DNHD1: variants seen among roughly 807,000 people sequenced by gnomAD.
DNHD1 encodes the protein dynein heavy chain domain 1.
In DNHD1, 383 loss-of-function variants were observed where a neutral mutation model predicts 458.1. That is an observed-to-expected ratio of 0.84 (90% CI 0.77 to 0.91). DNHD1 has a LOEUF of 0.91. DNHD1 is among the 40% of genes least tolerant of loss of function. The pLI, the probability that DNHD1 is intolerant of heterozygous loss-of-function variation, is 0.00. For synonymous variants in DNHD1, 2,203 were observed against 2,376.9 expected (o/e 0.93, Z 2.13); for missense variants, 5,336 against 5,866.1 (o/e 0.91, Z 2.95).
chr11:6,570,439 C>A, intron 41 of DNHD1, 43 bp downstream of exon 41: 2 of 1,554,608 alleles, frequency 1.3e-6, no homozygotes, highest in Non-Finnish European at 1.7e-6. Context: ...GGGAATAGTG[C>A]AATGCAATGC....
chr11:6,504,235 C>G (rs1335505838), intron 4 of DNHD1: 1 of 152,184 alleles, frequency 6.6e-6, no homozygotes, highest in East Asian at 1.9e-4. Flanking sequence ...CCTCTTGATT[C>G]TAATTCTCCT....
At chr11:6,508,310 A>T (rs720270) in intron 4 of DNHD1, 86,995 of 153,092 alleles carry the variant, frequency 0.57, 25,765 homozygotes, top group African/African-American at 0.72. Context: ...CTTGTCTAGT[A>T]CATTAGGTTG....
rs1318103283 is a variant in DNHD1, at chr11:6,558,602, C to T, written c.9120C>T (p.Ser3040=). 2.6e-6 allele frequency: 4 copies of T among 1,551,614 alleles called. No individual in the cohort carries two copies. Among genetic ancestry groups the T allele is most frequent in the Admixed American group, 3.9e-5 (2 of 50,994 alleles). The change falls in exon 26 of 43, where the codon AGC becomes AGT. Residue 3040 remains serine, a synonymous_variant. Coordinates refer to ENST00000254579, the MANE Select transcript of DNHD1 (RefSeq NM_144666.3). ...GGCTCCTTCAACTGGCCACTGCCAG[C>T]ATTGACCGCTATGAACCCTGGGACC... is the stretch of plus-strand genomic sequence containing the variant. ...FLRLLQLATA[S]IDRYEPWDQA... is the part of the protein sequence containing the mutation.
At chr11:6,530,017 A>G (rs755996966) in intron 12 of DNHD1, among the ~76,000 whole-genome samples, 32 of 152,208 alleles carry the variant, frequency 2.1e-4, no homozygotes, top group Non-Finnish European at 3.7e-4. Flanking sequence ...GCCACTGGCT[A>G]TCAATTCTCT....
At chr11:6,512,781 A>C (rs928901626) in intron 7 of DNHD1, among the ~76,000 whole-genome samples, 1 of 152,108 alleles carries the variant, frequency 6.6e-6, no homozygotes, top group Non-Finnish European at 1.5e-5. Context: ...TGTAACCTCC[A>C]CAAGGGTAGA....
chr11:6,558,419 G>A (rs1488280445), intron 25 of DNHD1, 66 bp from the exon 26 acceptor site: 2 of 1,542,030 alleles, frequency 1.3e-6, no homozygotes, highest in African/African-American at 2.7e-5. Context: ...TGGTCTGGCT[G>A]GGACTGGGGC....
chr11:6,534,227 GAAGT>G, intron 14 of DNHD1, 54 bp downstream of exon 14: 1 of 1,508,052 alleles, frequency 6.6e-7, no homozygotes. Context: ...CCCTTCAACT[GAAGT>G]AAGAGTTGGA....
rs752771732 is a variant in DNHD1, at chr11:6,568,505, A to G, written c.12590A>G (p.Asn4197Ser). The change falls in exon 38 of 43, where the codon AAT (asparagine) becomes AGT (serine). Residue 4197 changes from asparagine to serine, a missense_variant. Asn to Ser is a conservative substitution (Grantham distance 46). Coordinates refer to ENST00000254579, the MANE Select transcript of DNHD1 (RefSeq NM_144666.3). The part of the protein sequence containing the change: ...EQLLDQPESR[N>S]VSTVHRDFRL... ...CTTTTAGACCAACCTGAAAGCAGGA[A>G]TGTAAGCACTGTTCACAGAGATTTT... The G allele has an allele frequency of 3.7e-6, 6 of 1,614,020 alleles. No individual in the cohort carries two copies. Among genetic ancestry groups the G allele is most frequent in the South Asian group, 3.3e-5 (3 of 91,090 alleles).
At chr11:6,511,687 CA>C (rs1554963295) in intron 7 of DNHD1, among the ~76,000 whole-genome samples, 1 of 152,154 alleles carries the variant, frequency 6.6e-6, no homozygotes, top group Non-Finnish European at 1.5e-5. Flanking sequence ...AGGAATGTAT[CA>C]ATGTCTATTT....
intron 10 of DNHD1, among the ~76,000 whole-genome samples, chr11:6,523,020 A>G (rs1444185124): frequency 6.6e-6 from 1 of 152,212 alleles, no homozygotes; most frequent in East Asian, 1.9e-4. Context: ...CTGCAGTTCA[A>G]AACTCAGAAA....
intron 19 of DNHD1, 83 bp from the exon 20 acceptor site, chr11:6,544,491 A>T: frequency 8.3e-7 from 1 of 1,198,264 alleles, no homozygotes. Context: ...GGGGTACCTG[A>T]GAGGTCAGGA....
chr11:6,530,997 A>C (rs1852818844), intron 12 of DNHD1, among the ~76,000 whole-genome samples: 1 of 152,092 alleles, frequency 6.6e-6, no homozygotes, highest in African/African-American at 2.4e-5. Context: ...ACTGTGTTTT[A>C]GTTTCTTTAT....
In DNHD1 at chr11:6,505,393, C is replaced by G. The variant is rs1325829122; in HGVS notation, c.920+2467C>G. Among the ~76,000 whole-genome samples the G allele has an allele frequency of 6.6e-6, 1 of 152,076 alleles. No individual in the cohort carries two copies. Among genetic ancestry groups the G allele is most frequent in the East Asian group, 1.9e-4 (1 of 5,186 alleles). On this transcript the variant is annotated intron_variant, in intron 4 of 42. Transcript: ENST00000254579. This position sits in a 1 kb window ranked among gnomAD's most constrained non-coding sequence, Gnocchi z 4.4. ...ACAGCCTCCCAAGTAGCTTTGATTA[C>G]AGGCACTTGCTAATATGACTGGCTA...
At chr11:6,512,211 C>CTCTTTTTTTTTTT (rs1852347476) in intron 7 of DNHD1, among the ~76,000 whole-genome samples, 1 of 91,630 alleles carries the variant, frequency 1.1e-5, no homozygotes, top group East Asian at 3.3e-4. Context: ...CTTTTTCTTT[C>CTCTTTTTTTTTTT]TTTTTTTTTT....
intron 28 of DNHD1, among the ~76,000 whole-genome samples, chr11:6,561,920 T>G (rs984542893): frequency 1.3e-5 from 2 of 151,626 alleles, no homozygotes; most frequent in Non-Finnish European, 2.9e-5. Flanking sequence ...AAATGATGAG[T>G]AGGGGCCTGG....
chr11:6,545,217 G>T lies in DNHD1; in HGVS notation c.4278G>T (p.Gly1426=). ...AGGTGGAGGCACTTGCAGTGCTAGG[G>T]GCAGGTGGGGAGGAGGTGAAGCTGC... ...QTQVEALAVL[G]AGGEEVKLQG... The change falls in exon 21 of 43, where the codon GGG becomes GGT. Residue 1426 remains glycine (G), a synonymous_variant. Coordinates refer to ENST00000254579, the MANE Select transcript of DNHD1 (RefSeq NM_144666.3). The surrounding 1 kb of genome is among the most constrained non-coding windows in gnomAD (Gnocchi z 4.9). 6.4e-7 allele frequency: 1 copy of T among 1,551,892 alleles called. No individual in the cohort carries two copies. Among genetic ancestry groups the T allele is most frequent in the Non-Finnish European group, 8.7e-7 (1 of 1,147,038 alleles).
At chr11:6,533,495 G>A (rs2134412598) in intron 13 of DNHD1, among the ~76,000 whole-genome samples, 186 bp from the exon 14 acceptor site, 1 of 152,306 alleles carries the variant, frequency 6.6e-6, no homozygotes, top group South Asian at 2.1e-4. Context: ...AGAGATCTGG[G>A]TCAGAGAGAG....
chr11:6,543,286 C>T (rs111436482), intron 18 of DNHD1, among the ~76,000 whole-genome samples: 58 of 152,132 alleles, frequency 3.8e-4, no homozygotes, highest in Non-Finnish European at 6.8e-4. Context: ...ACCTCATTTC[C>T]AGCCCTAGTC....
At position 6,566,004 on chromosome 11, in the gene DNHD1, C is replaced by CG. The variant is rs1853687122; in HGVS notation, c.11053+13_11053+14insG. On this transcript the variant is annotated intron_variant, in intron 33 of 42. Coordinates refer to ENST00000254579, the MANE Select transcript of DNHD1 (RefSeq NM_144666.3). ...GCAGCTGCTTGTGGTGAGAGCTGGT[C>CG]CCCACCCACCCTGGCCCCTTTTTGA... 1.1e-6 allele frequency: 1 copy of CG among 927,850 alleles called. No individual in the cohort carries two copies. Among genetic ancestry groups the CG allele is most frequent in the Non-Finnish European group, 1.6e-6 (1 of 630,386 alleles). 57.5% of individuals were successfully genotyped at this position (927,850 alleles called of 1,614,324 possible).
Sources: gnomAD v4.1 joint callset for allele counts (sites outside exome capture counted in the v4.1 genomes callset) on GRCh38, gnomAD v4.1.1 for gene constraint, Gnocchi (gnomAD v3.1) non-coding constraint, MANE v1.5 for transcripts, NCBI Gene and HGNC (gene_info 2026-07-23, HGNC 2026-07-21) for gene names.